The following RBFOX1 variants were observed in gnomAD, a reference collection of about 807,000 sequenced individuals.
RBFOX1 encodes RNA binding protein fox-1 homolog 1.
A neutral mutation model predicts 57.7 loss-of-function variants in RBFOX1; 8 were observed. That is an observed-to-expected ratio of 0.14 (90% confidence interval 0.08 to 0.25). The LOEUF is 0.25. RBFOX1 is among the 10% of genes least tolerant of loss of function. RBFOX1 has a pLI of 1.00. For synonymous variants in RBFOX1, 326 were observed against 222.4 expected (o/e 1.47, Z -4.15); for missense variants, 611 against 548.5 (o/e 1.11, Z -1.14).
At chr16:6,475,046 TC>T (rs2095251535) in intron 2 of RBFOX1, among the ~76,000 whole-genome samples, 1 of 152,174 alleles carries the variant, frequency 6.6e-6, no homozygotes. Flanking sequence ...TACAGTAACA[TC>T]CCAATTGTGT....
chr16:5,366,409 CA>C, intron 1 of RBFOX1: 1 of 436,502 alleles, frequency 2.3e-6, no homozygotes, highest in East Asian at 5.9e-5. Context: ...ATACTCCAGC[CA>C]AAAATGCACA....
At chr16:6,820,123 T>G (rs2091006637) in intron 3 of RBFOX1, among the ~76,000 whole-genome samples, 1 of 152,186 alleles carries the variant, frequency 6.6e-6, no homozygotes, top group Non-Finnish European at 1.5e-5. Flanking sequence ...TCTGATGGTT[T>G]TATAAAGGAC....
At chr16:7,654,603 G>A (rs1298495497) in intron 12 of RBFOX1, among the ~76,000 whole-genome samples, 1 of 152,090 alleles carries the variant, frequency 6.6e-6, no homozygotes, top group Non-Finnish European at 1.5e-5. Flanking sequence ...GATATTGCCA[G>A]GCGAATGTCA....
intron 1 of RBFOX1, among the ~76,000 whole-genome samples, chr16:6,311,492 A>G (rs1357629541): frequency 6.6e-6 from 1 of 152,088 alleles, no homozygotes; most frequent in Non-Finnish European, 1.5e-5. Flanking sequence ...CCTGAAGTCA[A>G]AGGATATTCC....
rs181780331 is a variant in RBFOX1, at chr16:7,498,721, C to T, written c.28-19426C>T. On this transcript the variant is annotated intron_variant, in intron 4 of 15. Coordinates refer to ENST00000550418, the MANE Select transcript of RBFOX1 (RefSeq NM_018723.4). ...TTCAGACCAGCCACATTTCAACACC[C>T]AATGACCACACATGGCTAGTGGCTA... Among the ~76,000 whole-genome samples, 366 of 152,230 alleles carry T rather than the reference C, an allele frequency of 2.4e-3. 1 individual carries two copies. The highest frequency in any genetic ancestry group is 8.4e-3 in the African/African-American group (347 of 41,540).
intron 11 of RBFOX1, 151 bp downstream of exon 11, chr16:7,630,834 C>G: frequency 7.0e-7 from 1 of 1,431,278 alleles, no homozygotes; most frequent in Non-Finnish European, 9.2e-7. Context: ...GCATGTCTGT[C>G]TCCCATGCCA....
At chr16:5,814,114 C>A (rs1362335228) in intron 3 of RBFOX1, among the ~76,000 whole-genome samples, 4 of 152,126 alleles carry the variant, frequency 2.6e-5, no homozygotes, top group Non-Finnish European at 4.4e-5. Flanking sequence ...ATTACTCTTA[C>A]AAGATGGTAC....
chr16:7,035,447 T>G (rs1402927275), intron 3 of RBFOX1, among the ~76,000 whole-genome samples: 1 of 152,208 alleles, frequency 6.6e-6, no homozygotes, highest in East Asian at 1.9e-4. Context: ...AGAATATTTA[T>G]TTGAATATTA....
At chr16:5,275,448 A>C (rs1417892772) in intron 1 of RBFOX1, among the ~76,000 whole-genome samples, 1 of 152,214 alleles carries the variant, frequency 6.6e-6, no homozygotes, top group Non-Finnish European at 1.5e-5. Flanking sequence ...AATAGCTGTA[A>C]AAATAAAATA....
intron 2 of RBFOX1, among the ~76,000 whole-genome samples, chr16:6,589,865 T>C (rs2097686226): frequency 6.6e-6 from 1 of 152,230 alleles, no homozygotes; most frequent in South Asian, 2.1e-4. Context: ...GTCATACCTC[T>C]CTTTCACTGT....
intron 4 of RBFOX1, among the ~76,000 whole-genome samples, chr16:7,223,977 C>T (rs1346513779): frequency 6.6e-6 from 1 of 151,666 alleles, no homozygotes; most frequent in Non-Finnish European, 1.5e-5. Context: ...GGCTTCAGTG[C>T]TTTAATGTGA....
At chr16:7,052,776 T>C (rs2050556873) in intron 4 of RBFOX1, among the ~76,000 whole-genome samples, 1 of 152,194 alleles carries the variant, frequency 6.6e-6, no homozygotes, top group South Asian at 2.1e-4. Flanking sequence ...GGTATGGGGA[T>C]GGCATTTTAA....
intron 3 of RBFOX1, among the ~76,000 whole-genome samples, chr16:5,607,381 C>G (rs138380860): frequency 8.9e-4 from 135 of 152,306 alleles, no homozygotes; most frequent in African/African-American, 3.1e-3. Context: ...AAGTGGCACT[C>G]TTGACCTCAG....
intron 4 of RBFOX1, among the ~76,000 whole-genome samples, chr16:7,244,120 T>C (rs1015624327): frequency 6.6e-6 from 1 of 151,962 alleles, no homozygotes; most frequent in Non-Finnish European, 1.5e-5. Flanking sequence ...TACAGCTCAA[T>C]CTTAAACAGC....
At chr16:7,020,193 T>C (rs575762547) in intron 3 of RBFOX1, among the ~76,000 whole-genome samples, 2 of 152,190 alleles carry the variant, frequency 1.3e-5, no homozygotes, top group South Asian at 2.1e-4. Flanking sequence ...ATCTAAAATA[T>C]TTTCTTTTTT....
chr16:6,289,858 A>G (rs1264130333), intron 1 of RBFOX1, among the ~76,000 whole-genome samples: 1 of 152,232 alleles, frequency 6.6e-6, no homozygotes, highest in African/African-American at 2.4e-5. Flanking sequence ...ATCATCCCTC[A>G]GTAAGAGAAT....
chr16:5,341,250 C>T (rs1199321424), intron 1 of RBFOX1, among the ~76,000 whole-genome samples: 2 of 152,058 alleles, frequency 1.3e-5, no homozygotes, highest in Non-Finnish European at 2.9e-5. Context: ...TTGCTTTAAA[C>T]CTGATGGAAG....
chr16:5,667,163 G>A (rs552225098), intron 3 of RBFOX1, among the ~76,000 whole-genome samples: 2 of 152,032 alleles, frequency 1.3e-5, no homozygotes, highest in African/African-American at 4.8e-5. Context: ...TGCTTACTTA[G>A]TTTTTGGCTT....
intron 3 of RBFOX1, among the ~76,000 whole-genome samples, chr16:5,834,714 G>C (rs2056398318): frequency 7.8e-6 from 1 of 128,164 alleles, no homozygotes; most frequent in Non-Finnish European, 1.7e-5. Context: ...TAGATAGATA[G>C]ATACATAGAT....
Sources: allele counts gnomAD v4.1 joint callset (sites outside exome capture counted in the v4.1 genomes callset), GRCh38; gene constraint gnomAD v4.1.1; transcripts MANE v1.5; gene names NCBI Gene and HGNC (gene_info 2026-07-23, HGNC 2026-07-21).